Variants in EPHX2 observed in about 807,000 individuals in gnomAD.
EPHX2 encodes the protein epoxide hydrolase 2.
A neutral mutation model predicts 78.7 loss-of-function variants in EPHX2; 74 were observed. That is an observed-to-expected ratio of 0.94 (90% CI 0.78 to 1.14). The LOEUF (loss-of-function observed/expected upper bound fraction) is 1.14, where lower values mean the gene tolerates loss of function less well. EPHX2 is among the 50% of genes most tolerant of loss of function. The pLI, the probability that EPHX2 is intolerant of heterozygous loss-of-function variation, is 0.00. For synonymous variants in EPHX2, 251 were observed against 255.2 expected, an observed-to-expected ratio of 0.98 and a Z score of 0.16; for missense variants, 715 against 702.5, an observed-to-expected ratio of 1.02 and a Z score of -0.20.
At chr8:27,524,951 A>C (rs966590499) in intron 11 of EPHX2, among the ~76,000 whole-genome samples, 3 of 151,462 alleles carry the variant, frequency 2.0e-5, no homozygotes, top group Non-Finnish European at 2.9e-5. Context: ...AATTATGCTC[A>C]ATCCAGAGGA....
intron 8 of EPHX2, among the ~76,000 whole-genome samples, chr8:27,517,647 G>C (rs1047629440): frequency 2.0e-5 from 3 of 152,196 alleles, no homozygotes; most frequent in Non-Finnish European, 4.4e-5. Context: ...AGTGGAGAAA[G>C]GACACTCTCT....
At chr8:27,531,048 C>T (rs997449000) in intron 12 of EPHX2, among the ~76,000 whole-genome samples, 2 of 152,202 alleles carry the variant, frequency 1.3e-5, no homozygotes, top group Non-Finnish European at 2.9e-5. Context: ...CAGGCATGAG[C>T]CACCACGCCC....
intron 14 of EPHX2, chr8:27,539,390 G>C (rs781372303): frequency 2.0e-5 from 3 of 152,206 alleles, no homozygotes; most frequent in Non-Finnish European, 4.4e-5. Flanking sequence ...GAAGCATTCT[G>C]AAAAATGCTA....
rs981242567 is a variant in EPHX2, at chr8:27,524,850, A to G, written c.1059-512A>G. On this transcript the variant is annotated intron_variant, in intron 11 of 18. Transcript: ENST00000521400. Reference sequence around the variant, plus strand: ...TCATAAGGTCACTGTGTGTTTTTCTATTTTTCCTTATTAAATTATAATGAG... The same window carrying G: ...TCATAAGGTCACTGTGTGTTTTTCTGTTTTTCCTTATTAAATTATAATGAG... Among the ~76,000 whole-genome samples the G allele has an allele frequency of 2.0e-5, 3 of 151,806 alleles. 1 individual carries two copies. Among genetic ancestry groups the G allele is most frequent in the African/African-American group, 4.8e-5 (2 of 41,322 alleles).
intron 13 of EPHX2, among the ~76,000 whole-genome samples, chr8:27,537,894 A>G (rs1303333923): frequency 6.6e-6 from 1 of 151,992 alleles, no homozygotes; most frequent in African/African-American, 2.4e-5. Context: ...TTTGGTTTAT[A>G]AGCTCATCTT....
chr8:27,534,878 T>C (rs73227350), intron 12 of EPHX2, among the ~76,000 whole-genome samples: 11,843 of 152,110 alleles, frequency 0.078, 566 homozygotes, highest in Middle Eastern at 0.17. Flanking sequence ...TACCCCTTGG[T>C]GGTGGGAAAG....
At chr8:27,525,068 C>CTGTGTG (rs56963159) in intron 11 of EPHX2, among the ~76,000 whole-genome samples, 4,569 of 131,174 alleles carry the variant, frequency 0.035, 105 homozygotes, top group Non-Finnish European at 0.053. Flanking sequence ...AGTATGTGTA[C>CTGTGTG]TGTGTGTGTG....
intron 1 of EPHX2, among the ~76,000 whole-genome samples, chr8:27,495,554 G>A (rs903697432): frequency 6.6e-6 from 1 of 152,142 alleles, no homozygotes; most frequent in Non-Finnish European, 1.5e-5. Flanking sequence ...CCACACACAA[G>A]CGCCTGGTAT....
chr8:27,495,171 C>A (rs1008205577), intron 1 of EPHX2, among the ~76,000 whole-genome samples: 1 of 152,208 alleles, frequency 6.6e-6, no homozygotes, highest in Non-Finnish European at 1.5e-5. Flanking sequence ...AGGTTAGGAA[C>A]CCCCTTTCCA....
rs139423727 is a variant in EPHX2, at chr8:27,537,354, C to T, written c.1242+499C>T. ...AGTTTCTTTCTTCCTGAAACATCCC[C>T]TTTAGTAGTTCTCTCAATAAGAGTC... On this transcript the variant is annotated intron_variant, in intron 13 of 18. Transcript: ENST00000521400. Among the ~76,000 whole-genome samples the T allele has an allele frequency of 1.8e-3, 275 of 152,338 alleles. 1 individual carries two copies. The highest frequency in any genetic ancestry group is 0.015 in the South Asian group (73 of 4,818).
intron 11 of EPHX2, 146 bp from the exon 12 acceptor site, chr8:27,525,216 C>A (rs1173714251): frequency 1.5e-6 from 1 of 662,290 alleles, no homozygotes. Context: ...AGTTCTGATC[C>A]CATTCTCCCA....
chr8:27,512,882 A>T (rs992594523), intron 6 of EPHX2, among the ~76,000 whole-genome samples: 23 of 152,220 alleles, frequency 1.5e-4, no homozygotes, highest in African/African-American at 5.3e-4. Flanking sequence ...GAATTAAATG[A>T]AATGTTGTAT....
intron 5 of EPHX2, among the ~76,000 whole-genome samples, chr8:27,509,286 G>A (rs1814143702): frequency 6.6e-6 from 1 of 152,056 alleles, no homozygotes. Flanking sequence ...ATCCAAGGAC[G>A]CCTGAGTTGC....
At chr8:27,520,848 T>C (rs775491218) in intron 9 of EPHX2, 35 bp from the exon 10 acceptor site, 1 of 1,614,074 alleles carries the variant, frequency 6.2e-7, no homozygotes, top group South Asian at 1.1e-5. Flanking sequence ...GCGGGTGTGG[T>C]TGCTGATTTT....
At chr8:27,511,286 C>T (rs1011401674) in intron 5 of EPHX2, among the ~76,000 whole-genome samples, 1 of 152,246 alleles carries the variant, frequency 6.6e-6, no homozygotes. Flanking sequence ...GTGTGAGCTT[C>T]GCATGGTGTC....
At chr8:27,538,578 C>G in intron 13 of EPHX2, 81 bp from the exon 14 acceptor site, 1 of 1,329,184 alleles carries the variant, frequency 7.5e-7, no homozygotes, top group Non-Finnish European at 1.1e-6. Flanking sequence ...TGTCATTTGT[C>G]GTAACAGGGT....
chr8:27,516,228 T>C, intron 7 of EPHX2, 92 bp from the exon 8 acceptor site: 1 of 1,275,434 alleles, frequency 7.8e-7, no homozygotes. Context: ...GTTTGATCCA[T>C]TTACAGGAAG....
At chr8:27,532,980 T>C (rs1007847520) in intron 12 of EPHX2, among the ~76,000 whole-genome samples, 6 of 151,990 alleles carry the variant, frequency 3.9e-5, no homozygotes, top group Non-Finnish European at 8.8e-5. Context: ...CCAGGCATGG[T>C]GGTGCACACA....
chr8:27,525,712 G>GA (rs72475897), intron 12 of EPHX2, among the ~76,000 whole-genome samples: 4,372 of 152,180 alleles, frequency 0.029, 198 homozygotes, highest in African/African-American at 0.099. Context: ...ACCCTGGGGG[G>GA]ATGGCTTCTC....
Sources: allele counts gnomAD v4.1 joint callset (sites outside exome capture counted in the v4.1 genomes callset), GRCh38; gene constraint gnomAD v4.1.1; transcripts MANE v1.5; gene names NCBI Gene and HGNC (gene_info 2026-07-23, HGNC 2026-07-21).